The following BLOC1S5 variants were observed in gnomAD, a reference collection of about 807,000 sequenced individuals.
BLOC1S5 encodes biogenesis of lysosomal organelles complex 1 subunit 5.
In BLOC1S5, 27 loss-of-function variants were observed where a neutral mutation model predicts 24.3. The ratio of observed to expected loss-of-function variants is 1.11; its 90% CI spans 0.82 to 1.53. The LOEUF (loss-of-function observed/expected upper bound fraction) is 1.53, where lower values mean the gene tolerates loss of function less well. Ranked by LOEUF, BLOC1S5 falls within the 40% of genes most tolerant of loss-of-function variation. The pLI is 0.00. For synonymous variants in BLOC1S5, 84 were observed against 74.5 expected (o/e 1.13, Z -0.66); for missense variants, 239 against 229.4 (o/e 1.04, Z -0.27).
chr6:8,026,472 G>T (rs765833244), intron 3 of BLOC1S5, 47 bp from the exon 4 acceptor site: 7 of 1,460,214 alleles, frequency 4.8e-6, no homozygotes, highest in Non-Finnish European at 6.7e-6. Flanking sequence ...CCATGTTCAA[G>T]GAAACACATA....
intron 3 of BLOC1S5, among the ~76,000 whole-genome samples, chr6:8,030,191 ACTC>A (rs1763249692): frequency 6.6e-6 from 1 of 151,970 alleles, no homozygotes; most frequent in African/African-American, 2.4e-5. Context: ...ATGGGGTCTC[ACTC>A]TGTTGCCCAA....
At chr6:8,023,589 CA>C (rs34908120) in intron 4 of BLOC1S5, among the ~76,000 whole-genome samples, 60 of 143,476 alleles carry the variant, frequency 4.2e-4, no homozygotes, top group Admixed American at 4.8e-4. Flanking sequence ...GACTCCATCT[CA>C]AAAAAAAAAA....
At chr6:8,031,778 C>T (rs1763307655) in intron 3 of BLOC1S5, among the ~76,000 whole-genome samples, 1 of 152,100 alleles carries the variant, frequency 6.6e-6, no homozygotes, top group Admixed American at 6.5e-5. Flanking sequence ...GGCGCATAGA[C>T]CAATGGAACA....
At chr6:8,041,055 T>C in intron 3 of BLOC1S5, 84 bp downstream of exon 3, 6 of 1,439,968 alleles carry the variant, frequency 4.2e-6, no homozygotes, top group Non-Finnish European at 5.6e-6. Context: ...CCTCTCCACC[T>C]CCCCCCATAA....
chr6:8,045,591 C>T (rs1763854943), intron 2 of BLOC1S5, among the ~76,000 whole-genome samples: 1 of 152,172 alleles, frequency 6.6e-6, no homozygotes, highest in South Asian at 2.1e-4. Context: ...AGGAGGGAGG[C>T]TGTACCCTGC....
chr6:8,043,351 A>G (rs1364539227), intron 2 of BLOC1S5, among the ~76,000 whole-genome samples: 1 of 152,222 alleles, frequency 6.6e-6, no homozygotes, highest in East Asian at 1.9e-4. Flanking sequence ...AAGAAGGTTC[A>G]TATTATCAGT....
intron 2 of BLOC1S5, among the ~76,000 whole-genome samples, chr6:8,058,357 G>GAAAAAAAAAAAAAAAAAAAAAAAAAA (rs60827828): frequency 1.2e-5 from 1 of 84,554 alleles, no homozygotes. Context: ...CTGTCTCTAT[G>GAAAAAAAAAAAAAAAAAAAAAAAAAA]AAAAAAAAAA....
intron 2 of BLOC1S5, among the ~76,000 whole-genome samples, chr6:8,055,439 AT>A: frequency 6.6e-6 from 1 of 152,184 alleles, no homozygotes; most frequent in African/African-American, 2.4e-5. Context: ...GTCTCAAAAA[AT>A]ATATACAATA....
chr6:8,038,845 G>C (rs528221093), intron 3 of BLOC1S5, among the ~76,000 whole-genome samples: 1 of 152,318 alleles, frequency 6.6e-6, no homozygotes, highest in Non-Finnish European at 1.5e-5. Flanking sequence ...GGAGAAAAGG[G>C]AACTCTCGTA....
In BLOC1S5 at chr6:8,015,339, C is replaced by T. The variant is rs1456924006; in HGVS notation, c.*310G>A. 1 of 257,972 alleles carries T rather than the reference C, an allele frequency of 3.9e-6. No individual in the cohort carries two copies. Among genetic ancestry groups the T allele is most frequent in the East Asian group, 8.1e-5 (1 of 12,394 alleles). 16.0% of individuals were successfully genotyped at this position (257,972 alleles called of 1,614,324 possible). A position where few individuals can be genotyped will look rare whatever the true frequency, so the allele number is the denominator to read the frequency against. The stretch of plus-strand genomic sequence containing the variant: ...AATTATCTTTCTAAGAAGTCTATAC[C>T]TACAGTTCTCTGAGCTAATCAATGG... On this transcript the variant is annotated 3_prime_UTR_variant, in exon 5 of 5. Transcript: ENST00000397457.
At chr6:8,052,872 C>G (rs979525986) in intron 2 of BLOC1S5, among the ~76,000 whole-genome samples, 7 of 146,924 alleles carry the variant, frequency 4.8e-5, no homozygotes, top group Admixed American at 1.4e-4. Context: ...CACTCCAGCC[C>G]GGGCAACAGA....
chr6:8,015,901 T>C (rs1330139919), intron 4 of BLOC1S5, 73 bp from the exon 5 acceptor site: 2 of 1,357,002 alleles, frequency 1.5e-6, no homozygotes. Flanking sequence ...TCTTGATACT[T>C]GGTTACCGTA....
chr6:8,030,143 T>C (rs892108095), intron 3 of BLOC1S5, among the ~76,000 whole-genome samples: 12 of 152,052 alleles, frequency 7.9e-5, no homozygotes, highest in African/African-American at 2.9e-4. Flanking sequence ...AATTCAGAAA[T>C]TTAACAAAGA....
intron 2 of BLOC1S5, among the ~76,000 whole-genome samples, chr6:8,051,918 T>C (rs972306897): frequency 5.3e-5 from 8 of 150,964 alleles, no homozygotes; most frequent in African/African-American, 1.7e-4. Flanking sequence ...CTGATGGAGA[T>C]AGACAAGAAG....
At position 8,027,436 on chromosome 6, in the gene BLOC1S5, A is replaced by C. The variant is rs764561383; in HGVS notation, c.326-1011T>G. ...ACATAACAACTAATAACAGGGCTTC[A>C]GAAGTGACATAAAATTTAAATGAGA... On this transcript the variant is annotated intron_variant, in intron 3 of 4. Transcript: ENST00000397457. 7.4e-5 allele frequency: 34 copies of C among 456,674 alleles called. 1 individual carries two copies. Among genetic ancestry groups the C allele is most frequent in the South Asian group, 5.3e-4 (34 of 64,582 alleles). 28.3% of individuals were successfully genotyped at this position (456,674 alleles called of 1,614,324 possible).
Position 8,015,393 on chromosome 6 carries a change from A to G in BLOC1S5, c.*256T>C. 3 of 403,714 alleles carry G rather than the reference A, an allele frequency of 7.4e-6. No homozygotes were observed. Among genetic ancestry groups the G allele is most frequent in the Non-Finnish European group, 1.3e-5 (3 of 227,454 alleles). The allele number at this position is 403,714 out of a possible 1,614,324, so 25.0% of individuals were successfully genotyped here. On this transcript the variant is annotated 3_prime_UTR_variant, in exon 5 of 5. Coordinates refer to ENST00000397457, the MANE Select transcript of BLOC1S5 (RefSeq NM_201280.3). ...AGATGATCAATTCTGACTAACAAAG[A>G]GTATATTGATTCCATTTTCCTTCCT...
intron 3 of BLOC1S5, among the ~76,000 whole-genome samples, chr6:8,027,959 G>A (rs1306886651): frequency 6.6e-6 from 1 of 152,042 alleles, no homozygotes; most frequent in African/African-American, 2.4e-5. Context: ...CAAAAGCCCA[G>A]TTCAAGGTTT....
chr6:8,022,579 C>CTTTTTTTTTTT (rs756972606), intron 4 of BLOC1S5, among the ~76,000 whole-genome samples: 20 of 74,312 alleles, frequency 2.7e-4, no homozygotes, highest in Admixed American at 4.6e-4. Context: ...TTTTTTTTTT[C>CTTTTTTTTTTT]TTTTTTTTTT....
chr6:8,026,482 A>ATGTGTTT, intron 3 of BLOC1S5, 57 bp from the exon 4 acceptor site: 1 of 1,365,574 alleles, frequency 7.3e-7, no homozygotes, highest in Non-Finnish European at 1.0e-6. Flanking sequence ...GGAAACACAT[A>ATGTGTTT]CCTGGGGGAG....
Sources: gnomAD v4.1 joint callset for allele counts (sites outside exome capture counted in the v4.1 genomes callset) on GRCh38, gnomAD v4.1.1 for gene constraint, MANE v1.5 for transcripts, NCBI Gene and HGNC (gene_info 2026-07-23, HGNC 2026-07-21) for gene names.